The following MIB1 variants were observed in gnomAD, a reference collection of about 807,000 sequenced individuals.
MIB1 encodes the protein MIB E3 ubiquitin protein ligase 1.
In MIB1, 278 loss-of-function variants were observed where a neutral mutation model predicts 124.5. That is an observed-to-expected ratio of 2.23 (90% CI 2.02 to 2.47). The LOEUF is 2.47. Ranked by LOEUF, MIB1 falls within the 30% of genes most tolerant of loss-of-function variation. MIB1 has a pLI of 0.00. For synonymous variants in MIB1, 446 were observed against 429.4 expected (o/e 1.04, Z -0.48); for missense variants, 957 against 1,254.4 (o/e 0.76, Z 3.58).
intron 12 of MIB1, among the ~76,000 whole-genome samples, chr18:21,830,468 A>G (rs1486414041): frequency 2.6e-5 from 4 of 152,164 alleles, no homozygotes; most frequent in Non-Finnish European, 5.9e-5. Context: ...TCCTTTTTAC[A>G]CTACATTAGC....
At chr18:21,769,346 C>T (rs1359230248) in intron 3 of MIB1, among the ~76,000 whole-genome samples, 5 of 152,150 alleles carry the variant, frequency 3.3e-5, no homozygotes, top group South Asian at 2.1e-4. Flanking sequence ...GCCAAGTACA[C>T]TTGGAGAACG....
chr18:21,732,155 G>A (rs1474135517), intron 1 of MIB1, among the ~76,000 whole-genome samples: 1 of 151,668 alleles, frequency 6.6e-6, no homozygotes, highest in African/African-American at 2.4e-5. Flanking sequence ...GCAAAACTCT[G>A]TCTCTCTACT....
intron 1 of MIB1, among the ~76,000 whole-genome samples, chr18:21,757,738 G>C (rs2041050837): frequency 6.6e-6 from 1 of 150,866 alleles, no homozygotes. Context: ...CACCCACCTG[G>C]GCCTCCCAAA....
At chr18:21,798,335 G>A (rs1360136509) in intron 8 of MIB1, 107 bp downstream of exon 8, 2 of 1,153,580 alleles carry the variant, frequency 1.7e-6, no homozygotes, top group South Asian at 1.8e-5. Context: ...GCTTGGCTTT[G>A]TCCCAGATTA....
At chr18:21,819,071 T>C (rs1021061339) in intron 11 of MIB1, among the ~76,000 whole-genome samples, 1 of 152,246 alleles carries the variant, frequency 6.6e-6, no homozygotes, top group Non-Finnish European at 1.5e-5. Context: ...AGAGTCTCGC[T>C]CTGTCACCCT....
At chr18:21,736,645 G>GAAAAACC (rs1443192457), upstream of MIB1, among the ~76,000 whole-genome samples, 1 of 152,136 alleles carries the variant, frequency 6.6e-6, no homozygotes, top group African/African-American at 2.4e-5. Flanking sequence ...TTGCTAACTA[G>GAAAAACC]AAAAACCAAT....
intron 4 of MIB1, among the ~76,000 whole-genome samples, chr18:21,775,162 G>A (rs1328818852): frequency 6.6e-6 from 1 of 151,818 alleles, no homozygotes; most frequent in Admixed American, 6.6e-5. Flanking sequence ...AGCCAGGATG[G>A]TCTTGATCTC....
chr18:21,870,015 T>A lies in MIB1; in HGVS notation c.*5349T>A, dbSNP rs1256088140. ...TTTGTATTTTTTCTAATTCTTTAGC[T>A]TTCAATATTGGATTAAAGTCTTGTT... is the stretch of plus-strand genomic sequence containing the variant. On this transcript the variant is annotated 3_prime_UTR_variant, in exon 21 of 21. Transcript: ENST00000261537. 2 of 152,550 alleles carry A rather than the reference T, an allele frequency of 1.3e-5. No homozygotes were observed. Among genetic ancestry groups the A allele is most frequent in the Non-Finnish European group, 2.9e-5 (2 of 67,966 alleles). 9.4% of individuals were successfully genotyped at this position (152,550 alleles called of 1,614,324 possible). A position where few individuals can be genotyped will look rare whatever the true frequency, so the allele number is the denominator to read the frequency against.
chr18:21,770,029 C>A (rs1488872737), intron 3 of MIB1, among the ~76,000 whole-genome samples: 1 of 151,776 alleles, frequency 6.6e-6, no homozygotes, highest in Non-Finnish European at 1.5e-5. Flanking sequence ...CATGGTGAGA[C>A]CCTGTCTCCA....
At chr18:21,724,230 A>G (rs1437628641) in intron 1 of MIB1, 1 of 152,340 alleles carries the variant, frequency 6.6e-6, no homozygotes, top group African/African-American at 2.4e-5. Flanking sequence ...CTAACCTTAA[A>G]AAAAAATTCT....
At chr18:21,809,906 A>G (rs1226611978) in intron 10 of MIB1, among the ~76,000 whole-genome samples, 1 of 152,134 alleles carries the variant, frequency 6.6e-6, no homozygotes, top group African/African-American at 2.4e-5. Flanking sequence ...GCAATTAGGC[A>G]AGAAAAAGAA....
intron 6 of MIB1, among the ~76,000 whole-genome samples, chr18:21,781,602 A>G (rs1426303450): frequency 1.3e-5 from 2 of 150,876 alleles, no homozygotes; most frequent in African/African-American, 2.4e-5. Context: ...TTTAATAGAG[A>G]TGGGGTTTCA....
intron 1 of MIB1, among the ~76,000 whole-genome samples, chr18:21,743,571 C>A (rs963562687): frequency 6.6e-6 from 1 of 151,682 alleles, no homozygotes; most frequent in Non-Finnish European, 1.5e-5. Flanking sequence ...TTTTTGAAGA[C>A]GTTTTGTGAG....
intron 3 of MIB1, among the ~76,000 whole-genome samples, chr18:21,769,305 T>A (rs1032598709): frequency 7.9e-5 from 12 of 151,812 alleles, no homozygotes; most frequent in African/African-American, 2.9e-4. Flanking sequence ...AAGAGGAGAG[T>A]GGGAATGTCA....
intron 1 of MIB1, among the ~76,000 whole-genome samples, chr18:21,722,366 G>GTTTATA (rs1231800086): frequency 6.9e-6 from 1 of 145,452 alleles, no homozygotes; most frequent in Non-Finnish European, 1.5e-5. Context: ...GTCTTTCCTT[G>GTTTATA]TTTTTATTTT....
chr18:21,854,482 C>T (rs912568092), intron 18 of MIB1, among the ~76,000 whole-genome samples: 9 of 152,010 alleles, frequency 5.9e-5, no homozygotes, highest in African/African-American at 2.2e-4. Context: ...CAAAGTGATA[C>T]CTACATGAGA....
chr18:21,870,773 AT>A lies in MIB1; in HGVS notation c.*6108del, dbSNP rs2042349399. 1 of 152,200 alleles carries A rather than the reference AT, an allele frequency of 6.6e-6. No individual in the cohort carries two copies. Among genetic ancestry groups the A allele is most frequent in the African/African-American group, 2.4e-5 (1 of 41,450 alleles). 9.4% of individuals were successfully genotyped at this position (152,200 alleles called of 1,614,324 possible). A position where few individuals can be genotyped will look rare whatever the true frequency, so the allele number is the denominator to read the frequency against. On this transcript the variant is annotated 3_prime_UTR_variant, in exon 21 of 21. Transcript: ENST00000261537. ...TTTAAGAGGAAAAACATCTGAAAAA[AT>A]ATCTTTTGTTTATTTGAAAAAAGCA...
chr18:21,811,186 A>G (rs1317299634), intron 10 of MIB1, among the ~76,000 whole-genome samples: 1 of 152,164 alleles, frequency 6.6e-6, no homozygotes, highest in Non-Finnish European at 1.5e-5. Context: ...CCTTACAGCC[A>G]TTAGGGTGGC....
intron 1 of MIB1, among the ~76,000 whole-genome samples, chr18:21,744,237 T>C (rs1226491621): frequency 6.6e-6 from 1 of 152,120 alleles, no homozygotes; most frequent in African/African-American, 2.4e-5. Context: ...TGACATTTTA[T>C]TACATTCTAT....
Sources: gnomAD v4.1 joint callset for allele counts (sites outside exome capture counted in the v4.1 genomes callset) on GRCh38, gnomAD v4.1.1 for gene constraint, MANE v1.5 for transcripts, NCBI Gene and HGNC (gene_info 2026-07-23, HGNC 2026-07-21) for gene names.